The following PPP1R37 variants were observed in gnomAD, a reference collection of about 807,000 sequenced individuals.
PPP1R37 encodes the protein protein phosphatase 1 regulatory subunit 37.
In PPP1R37, 21 loss-of-function variants were observed where a neutral mutation model predicts 61.0. The ratio of observed to expected loss-of-function variants is 0.34; its 90% CI spans 0.24 to 0.50. The LOEUF (loss-of-function observed/expected upper bound fraction) is 0.50. Ranked by LOEUF, PPP1R37 falls within the 20% of genes least tolerant of loss-of-function variation. The pLI, the probability that PPP1R37 is intolerant of heterozygous loss-of-function variation, is 0.98. For missense variants in PPP1R37, 910 were observed against 952.7 expected, an observed-to-expected ratio of 0.96 and a Z score of 0.59; for synonymous variants, 443 against 433.5, an observed-to-expected ratio of 1.02 and a Z score of -0.27.
intron 1 of PPP1R37, among the ~76,000 whole-genome samples, chr19:45,102,737 A>G (rs1249445286): frequency 2.0e-5 from 3 of 151,444 alleles, no homozygotes; most frequent in Non-Finnish European, 4.4e-5. Context: ...CCAGATGAGG[A>G]CTCTCTCAAA....
At position 45,093,203 on chromosome 19, in the gene PPP1R37, G is replaced by C; in HGVS notation, c.-123G>C. 1.3e-6 allele frequency: 1 copy of C among 793,366 alleles called. No homozygotes were observed. Among genetic ancestry groups the C allele is most frequent in the South Asian group, 3.1e-5 (1 of 32,426 alleles). The allele number at this position is 793,366 out of a possible 1,614,324, so 49.1% of individuals were successfully genotyped here. ...CGACGACTACGACCACTAGGAGAGC[G>C]GACGGAGGCGGCGCCTGAAGCGGCG... On this transcript the variant is annotated 5_prime_UTR_variant, in exon 1 of 13. Coordinates refer to ENST00000221462, the MANE Select transcript of PPP1R37 (RefSeq NM_019121.2).
chr19:45,123,001 C>T (rs139771436), intron 1 of PPP1R37, among the ~76,000 whole-genome samples: 1 of 152,348 alleles, frequency 6.6e-6, no homozygotes, highest in African/African-American at 2.4e-5. Context: ...TTCCCTCTGC[C>T]AGAGACGCCT....
At chr19:45,106,621 C>T (rs965967583) in intron 1 of PPP1R37, among the ~76,000 whole-genome samples, 1 of 151,794 alleles carries the variant, frequency 6.6e-6, no homozygotes, top group East Asian at 1.9e-4. Flanking sequence ...CTGCAGCCTC[C>T]ACCTCCCAGG....
In PPP1R37 at chr19:45,093,535, C is replaced by T. The variant is rs1038075452; in HGVS notation, c.202+8C>T. ...AAGACCCCTGGAGACATGGTAGCTA[C>T]CGCGGGTGAAGCGGGGGCGGGCTCG... is the stretch of plus-strand genomic sequence containing the variant. On this transcript the variant is annotated splice_region_variant and intron_variant, in intron 1 of 12. Transcript: ENST00000221462. The T allele has an allele frequency of 1.5e-5, 23 of 1,528,902 alleles. No homozygotes were observed. Among genetic ancestry groups the T allele is most frequent in the Non-Finnish European group, 1.9e-5 (22 of 1,142,022 alleles). The allele number at this position is 1,528,902 out of a possible 1,614,324, so 94.7% of individuals were successfully genotyped here. A position where few individuals can be genotyped will look rare whatever the true frequency, so the allele number is the denominator to read the frequency against.
chr19:45,102,019 C>T (rs1480852748), intron 1 of PPP1R37, among the ~76,000 whole-genome samples: 2 of 152,190 alleles, frequency 1.3e-5, no homozygotes, highest in Admixed American at 1.3e-4. Context: ...AGTCCCTTCC[C>T]TCGTGCTCCC....
rs1220499939 is a variant in PPP1R37 at position 45,121,206 on chromosome 19, G to A, written c.203-17308G>A. 6.6e-6 allele frequency among the ~76,000 whole-genome samples: 1 copy of A among 152,198 alleles called. No individual in the cohort carries two copies. Among genetic ancestry groups the A allele is most frequent in the African/African-American group, 2.4e-5 (1 of 41,432 alleles). ...AGTGCCACTGGGGATTGTAGGAGTG[G>A]TGGGAGAGCGTGGGGATGATTACTG... On this transcript the variant is annotated intron_variant, in intron 1 of 12. Transcript: ENST00000221462. This position sits in a 1 kb window ranked among gnomAD's most constrained non-coding sequence, Gnocchi z 4.2.
In PPP1R37 at chr19:45,141,339, C is replaced by T. The variant is rs762527898; in HGVS notation, c.465C>T (p.Phe155=). The change falls in exon 5 of 13, where the codon TTC becomes TTT. Residue 155 remains phenylalanine, a synonymous_variant. Transcript: ENST00000221462. ...NLDEDGASAL[F]DMIEYYESAT... is the part of the protein sequence containing the mutation. ...ATGCGCAGGGTGCCTCGGCCCTCTT[C>T]GACATGATCGAGTACTACGAGTCGG... 18 of 1,535,724 alleles carry T rather than the reference C, an allele frequency of 1.2e-5. No individual in the cohort carries two copies. In the African/African-American group the frequency reaches 1.6e-4, roughly 14 times the overall value.
At chr19:45,135,654 G>A (rs950293234) in intron 1 of PPP1R37, among the ~76,000 whole-genome samples, 7 of 152,220 alleles carry the variant, frequency 4.6e-5, no homozygotes, top group African/African-American at 1.2e-4. Context: ...CTGGCTCCCT[G>A]CTTCACAGAG....
chr19:45,117,341 C>T (rs1968282001), intron 1 of PPP1R37, among the ~76,000 whole-genome samples: 1 of 152,166 alleles, frequency 6.6e-6, no homozygotes, highest in African/African-American at 2.4e-5. Context: ...ACCACAAAGC[C>T]TGTAGAGTGG....
At chr19:45,124,931 G>A (rs184740912) in intron 1 of PPP1R37, among the ~76,000 whole-genome samples, 19 of 152,118 alleles carry the variant, frequency 1.2e-4, no homozygotes, top group Admixed American at 7.9e-4. Flanking sequence ...TGATTGAGCC[G>A]CTGAACTCCA....
chr19:45,127,974 C>CAAAAAAAAAAAAA (rs35001139), intron 1 of PPP1R37, among the ~76,000 whole-genome samples: 1 of 61,868 alleles, frequency 1.6e-5, no homozygotes. Flanking sequence ...GACTCCATCT[C>CAAAAAAAAAAAAA]AAAAAAAAAA....
At chr19:45,120,915 C>T (rs1022265765) in intron 1 of PPP1R37, among the ~76,000 whole-genome samples, 1 of 152,294 alleles carries the variant, frequency 6.6e-6, no homozygotes, top group Admixed American at 6.5e-5. Context: ...CCACTGTGCC[C>T]CGCACATTTG....
chr19:45,145,250 A>G lies in PPP1R37; in HGVS notation c.1286A>G (p.Lys429Arg), dbSNP rs1968673338. Residue 429 changes from lysine (K) to arginine (R), a missense_variant, in exon 10 of 13, where the codon AAG becomes AGG. Lys to Arg is a conservative substitution (Grantham distance 26). Around this residue, in one of 3 missense-constraint regions of PPP1R37, gnomAD observed 549 missense variants for 505.1 expected, o/e 1.09. Coordinates refer to ENST00000221462, the MANE Select transcript of PPP1R37 (RefSeq NM_019121.2). The stretch of plus-strand genomic sequence containing the variant: ...CGCCTGGACCTCGACCGTGAACCCA[A>G]GAAAGAGGCGGTGAGCAGGGGACGG... The part of the protein sequence containing the change: ...LLRLDLDREP[K>R]KEAVKSFIET... 1 of 1,532,466 alleles carries G rather than the reference A, an allele frequency of 6.5e-7. No individual in the cohort carries two copies. Among genetic ancestry groups the G allele is most frequent in the Non-Finnish European group, 8.7e-7 (1 of 1,145,122 alleles). 94.9% of individuals were successfully genotyped at this position (1,532,466 alleles called of 1,614,324 possible).
chr19:45,108,402 G>T (rs1185878137), intron 1 of PPP1R37, among the ~76,000 whole-genome samples: 1 of 151,106 alleles, frequency 6.6e-6, no homozygotes, highest in Non-Finnish European at 1.5e-5. Context: ...TAGAGACGGG[G>T]TTTCACTGTT....
chr19:45,140,473 T>A, intron 3 of PPP1R37, 33 bp from the exon 4 acceptor site: 2 of 1,491,176 alleles, frequency 1.3e-6, no homozygotes, highest in Non-Finnish European at 1.8e-6. Flanking sequence ...GTGCACTGTC[T>A]TAGACATGCG....
chr19:45,122,903 C>G (rs1403972486), intron 1 of PPP1R37, among the ~76,000 whole-genome samples: 1 of 152,204 alleles, frequency 6.6e-6, no homozygotes, highest in African/African-American at 2.4e-5. Context: ...TTGCTGACCC[C>G]TCTCGTCTCA....
chr19:45,120,007 TC>T (rs1214593870), intron 1 of PPP1R37, among the ~76,000 whole-genome samples: 1 of 144,290 alleles, frequency 6.9e-6, no homozygotes, highest in East Asian at 2.0e-4. Flanking sequence ...TTTTTTATTT[TC>T]CCCTTCTTTT....
At position 45,143,546 on chromosome 19, in the gene PPP1R37, CAAG is replaced by C. The variant is rs1426746130; in HGVS notation, c.901_903del (p.Lys301del). Reference sequence around the variant, plus strand: ...GTCTGGCCTACATCTGCGAGGGCCTCAAGGAGCAGAGGAAGGGGCTGGTGACCC... The same window carrying C: ...GTCTGGCCTACATCTGCGAGGGCCTCGAGCAGAGGAAGGGGCTGGTGACCC... On this transcript the variant is annotated inframe_deletion, in exon 8 of 13. Coordinates refer to ENST00000221462, the MANE Select transcript of PPP1R37 (RefSeq NM_019121.2). 3.3e-6 allele frequency: 5 copies of C among 1,535,526 alleles called. No homozygotes were observed. The highest frequency in any genetic ancestry group is 4.4e-6 in the Non-Finnish European group (5 of 1,146,524).
In PPP1R37 at chr19:45,142,468, G is replaced by A; in HGVS notation, c.874+10G>A. ...CACGTGCTAGACTCGGGTGGGTGCA[G>A]TGGCCCACCCCACCCACACCCGTCA... On this transcript the variant is annotated intron_variant, in intron 7 of 12. Coordinates refer to ENST00000221462, the MANE Select transcript of PPP1R37 (RefSeq NM_019121.2). The A allele has an allele frequency of 6.5e-7, 1 of 1,535,584 alleles. No homozygotes were observed. Among genetic ancestry groups the A allele is most frequent in the South Asian group, 1.2e-5 (1 of 84,040 alleles).
Sources: gnomAD v4.1 joint callset for allele counts (sites outside exome capture counted in the v4.1 genomes callset) on GRCh38, gnomAD v4.1.1 for gene constraint, gnomAD v4.1.1 regional missense constraint, Gnocchi (gnomAD v3.1) non-coding constraint, MANE v1.5 for transcripts, NCBI Gene and HGNC (gene_info 2026-07-23, HGNC 2026-07-21) for gene names.